ANGPTL5: variants seen among roughly 807,000 people sequenced by gnomAD.
ANGPTL5 encodes the protein angiopoietin like 5, also known as angiopoietin-related protein 5.
In ANGPTL5, 34 loss-of-function variants were observed where a neutral mutation model predicts 39.4. The observed-to-expected ratio is 0.86, with a 90% CI of 0.66 to 1.15. The LOEUF (loss-of-function observed/expected upper bound fraction) is 1.15, where lower values mean the gene tolerates loss of function less well. ANGPTL5 is among the 50% of genes most tolerant of loss of function. The pLI is 0.00. For synonymous variants in ANGPTL5, 146 were observed against 152.1 expected, an observed-to-expected ratio of 0.96 and a Z score of 0.29; for missense variants, 467 against 457.5, an observed-to-expected ratio of 1.02 and a Z score of -0.19.
rs1940158033 is a variant in ANGPTL5 at position 101,914,705 on chromosome 11, T to A, written c.-93+1314A>T. ...GTTTAACAAATTCAACTCCAAATTG[T>A]CCCCCAGACAATCACTGCAGACTCC... On this transcript the variant is annotated intron_variant, in intron 1 of 8. Transcript: ENST00000334289. Among the ~76,000 whole-genome samples, 2 of 151,938 alleles carry A rather than the reference T, an allele frequency of 1.3e-5. 1 individual carries two copies. The highest frequency in any genetic ancestry group is 4.2e-4 in the South Asian group (2 of 4,798).
At position 101,910,634 on chromosome 11, in the gene ANGPTL5, C is replaced by T. The variant is rs76855571; in HGVS notation, c.-92-2633G>A. The stretch of plus-strand genomic sequence containing the variant: ...TTATTCCACCCCTACCTATTCTTTC[C>T]CATCTTAGTAATGGCAACACACTTT... On this transcript the variant is annotated intron_variant, in intron 1 of 8. Transcript: ENST00000334289. Among the ~76,000 whole-genome samples the T allele has an allele frequency of 5.9e-3, 902 of 152,090 alleles. 7 individuals carry two copies. The highest frequency in any genetic ancestry group is 0.021 in the African/African-American group (862 of 41,500).
chr11:101,903,528 G>T (rs1223806176), intron 5 of ANGPTL5, among the ~76,000 whole-genome samples: 1 of 152,012 alleles, frequency 6.6e-6, no homozygotes, highest in Admixed American at 6.6e-5. Context: ...ACGTAGTAAG[G>T]TATTACATAA....
intron 8 of ANGPTL5, among the ~76,000 whole-genome samples, chr11:101,892,155 T>C (rs917804524): frequency 6.6e-6 from 1 of 152,192 alleles, no homozygotes; most frequent in Non-Finnish European, 1.5e-5. Context: ...GCTCTTCACA[T>C]GATTTATGGA....
intron 1 of ANGPTL5, among the ~76,000 whole-genome samples, chr11:101,912,352 G>A (rs946987661): frequency 3.3e-5 from 5 of 152,190 alleles, no homozygotes; most frequent in African/African-American, 1.2e-4. Context: ...CCTGTCAAGA[G>A]ATGAAGTTGA....
Position 101,907,906 on chromosome 11 carries a change from T to C in ANGPTL5, c.4A>G (p.Met2Val). The C allele has an allele frequency of 1.9e-6, 3 of 1,595,830 alleles. No homozygotes were observed. The highest frequency in any genetic ancestry group is 1.7e-6 in the Non-Finnish European group (2 of 1,163,822). Residue 2 changes from methionine (M) to valine (V), a missense_variant, in exon 2 of 9, where the codon ATG becomes GTG. Coordinates refer to ENST00000334289, the MANE Select transcript of ANGPTL5 (RefSeq NM_178127.5). ...AAGAGTGAGGCTTGGGATGGAGACATCATATTTTTCTTGGATAGATGAAAA... is the reference window on the plus strand; with the variant it reads ...AAGAGTGAGGCTTGGGATGGAGACACCATATTTTTCTTGGATAGATGAAAA... M[M>V]SPSQASLLFL... is the part of the protein sequence containing the mutation.
chr11:101,901,603 C>G (rs1459359315), intron 6 of ANGPTL5, among the ~76,000 whole-genome samples: 2 of 152,122 alleles, frequency 1.3e-5, no homozygotes, highest in Non-Finnish European at 2.9e-5. Context: ...AGTTAAGGAA[C>G]CAGCACTTTC....
At chr11:101,891,933 T>C (rs1411501718) in intron 8 of ANGPTL5, among the ~76,000 whole-genome samples, 4 of 152,206 alleles carry the variant, frequency 2.6e-5, no homozygotes, top group Admixed American at 6.5e-5. Flanking sequence ...TGATAATTGA[T>C]AATTTAGGAA....
At chr11:101,911,856 A>G (rs1390083227) in intron 1 of ANGPTL5, among the ~76,000 whole-genome samples, 3 of 152,306 alleles carry the variant, frequency 2.0e-5, no homozygotes, top group Non-Finnish European at 4.4e-5. Context: ...TGAGCACAAC[A>G]GTATGATTCT....
In ANGPTL5 at chr11:101,902,685, G is replaced by C; in HGVS notation, c.476C>G (p.Ser159Cys). Residue 159 changes from serine (S) to cysteine (C), a missense_variant, in exon 6 of 9, where the codon TCT (serine) becomes TGT (cysteine). Ser to Cys is a moderately radical substitution (Grantham distance 112). Transcript: ENST00000334289. ...DCTDIKDTIG[S>C]VTKTPSGLYI... ...TAAACCACTCGGTGTTTTGGTGACA[G>C]AGCCAATGGTATCCTTAATATCAGT... 6.2e-7 allele frequency: 1 copy of C among 1,611,586 alleles called. No homozygotes were observed. The highest frequency in any genetic ancestry group is 8.5e-7 in the Non-Finnish European group (1 of 1,178,258).
intron 3 of ANGPTL5, among the ~76,000 whole-genome samples, chr11:101,906,540 C>T (rs1940000080): frequency 6.6e-6 from 1 of 152,108 alleles, no homozygotes; most frequent in African/African-American, 2.4e-5. Context: ...ACACCAAAGA[C>T]ATTTCTAATA....
intron 7 of ANGPTL5, among the ~76,000 whole-genome samples, chr11:101,898,530 T>TTGAGACTGATCAGC (rs1423720550): frequency 1.3e-5 from 2 of 152,240 alleles, no homozygotes; most frequent in African/African-American, 4.8e-5. Context: ...CTTATCAGTT[T>TTGAGACTGATCAGC]AAGGAACTTT....
intron 6 of ANGPTL5, 38 bp downstream of exon 6, chr11:101,902,582 GC>G (rs745448237): frequency 7.3e-7 from 1 of 1,362,084 alleles, no homozygotes; most frequent in African/African-American, 1.4e-5. Flanking sequence ...GTTTATCTTA[GC>G]CCACATAATA....
intron 1 of ANGPTL5, chr11:101,915,473 C>A: frequency 6.4e-7 from 1 of 1,559,580 alleles, no homozygotes; most frequent in East Asian, 2.3e-5. Flanking sequence ...CCATCTTTTT[C>A]CAATTAGATT....
In ANGPTL5 at chr11:101,900,409, T is replaced by C. The variant is rs770380435; in HGVS notation, c.661+21A>G. The C allele has an allele frequency of 4.4e-6, 7 of 1,608,346 alleles. No homozygotes were observed. The Admixed American group carries it at 8.4e-5, about 19-fold the overall frequency. ...ATCAAAAAGAGTAAACAATGTAGAG[T>C]AGAAATACAAAAAAATTAACCTAGA... On this transcript the variant is annotated intron_variant, in intron 7 of 8. Coordinates refer to ENST00000334289, the MANE Select transcript of ANGPTL5 (RefSeq NM_178127.5).
In ANGPTL5 at chr11:101,907,238, CT is replaced by C. The variant is rs1372726379; in HGVS notation, c.105del (p.Val36Ter). 6.7e-7 allele frequency: 1 copy of C among 1,493,546 alleles called. No homozygotes were observed. Among genetic ancestry groups the C allele is most frequent in the African/African-American group, 1.4e-5 (1 of 71,606 alleles). 92.5% of individuals were successfully genotyped at this position (1,493,546 alleles called of 1,614,324 possible). A position where few individuals can be genotyped will look rare whatever the true frequency, so the allele number is the denominator to read the frequency against. On this transcript the variant is annotated frameshift_variant, in exon 3 of 9. Transcript: ENST00000334289. LOFTEE classifies it high-confidence loss of function. ...GNCVHHSTDS[S>X]VVNIVEDGSN... The stretch of plus-strand genomic sequence containing the variant: ...GATCCATCTTCTACAATGTTAACTA[CT>C]GAAGAGTCCTTTATATTAAAAAATA...
At chr11:101,892,143 C>T (rs1244476187) in intron 8 of ANGPTL5, among the ~76,000 whole-genome samples, 1 of 152,122 alleles carries the variant, frequency 6.6e-6, no homozygotes, top group African/African-American at 2.4e-5. Context: ...CTTTTCTTCA[C>T]GGCTCTTCAC....
chr11:101,910,402 C>T (rs1266688345), intron 1 of ANGPTL5, among the ~76,000 whole-genome samples: 2 of 117,570 alleles, frequency 1.7e-5, no homozygotes, highest in African/African-American at 7.0e-5. Flanking sequence ...AAGAGCAAAA[C>T]TCCGTCTCAA....
At chr11:101,899,626 A>G (rs1049319533) in intron 7 of ANGPTL5, among the ~76,000 whole-genome samples, 2 of 152,254 alleles carry the variant, frequency 1.3e-5, no homozygotes, top group Non-Finnish European at 2.9e-5. Context: ...TAAATTCACT[A>G]TACTCCAGAG....
At chr11:101,898,661 G>T (rs1939841262) in intron 7 of ANGPTL5, among the ~76,000 whole-genome samples, 2 of 152,110 alleles carry the variant, frequency 1.3e-5, no homozygotes, top group African/African-American at 2.4e-5. Flanking sequence ...GATTGCCCTG[G>T]CCAGAACTTC....
Sources: gnomAD v4.1 joint callset for allele counts (sites outside exome capture counted in the v4.1 genomes callset) on GRCh38, gnomAD v4.1.1 for gene constraint, MANE v1.5 for transcripts, NCBI Gene and HGNC (gene_info 2026-07-23, HGNC 2026-07-21) for gene names.